The following PRKAR2B variants were observed in gnomAD, a reference collection of about 807,000 sequenced individuals.
PRKAR2B encodes the protein protein kinase cAMP-dependent type II regulatory subunit beta, also known as cAMP-dependent protein kinase type II-beta regulatory subunit.
A neutral mutation model predicts 49.9 loss-of-function variants in PRKAR2B; 14 were observed. The ratio of observed to expected loss-of-function variants is 0.28; its 90% CI spans 0.19 to 0.44. The LOEUF (loss-of-function observed/expected upper bound fraction) is 0.44. PRKAR2B is among the 20% of genes least tolerant of loss of function. PRKAR2B has a pLI of 1.00. For missense variants in PRKAR2B, 393 were observed against 537.9 expected, an observed-to-expected ratio of 0.73 and a Z score of 2.67; for synonymous variants, 196 against 197.7, an observed-to-expected ratio of 0.99 and a Z score of 0.07.
chr7:107,056,945 A>G (rs1444486381), intron 1 of PRKAR2B, among the ~76,000 whole-genome samples: 2 of 152,174 alleles, frequency 1.3e-5, no homozygotes, highest in Admixed American at 1.3e-4. Context: ...AGGATTTCAT[A>G]TTGTAATTGA....
At chr7:107,126,420 C>CAAAAAAAAAAAAAAAAAAAAAAAAA (rs35682952) in intron 3 of PRKAR2B, among the ~76,000 whole-genome samples, 7 of 38,400 alleles carry the variant, frequency 1.8e-4, no homozygotes, top group Non-Finnish European at 3.6e-4. Context: ...GAATCTGTCT[C>CAAAAAAAAAAAAAAAAAAAAAAAAA]AAAAAAAAAA....
intron 2 of PRKAR2B, among the ~76,000 whole-genome samples, chr7:107,118,895 A>G (rs1795338565): frequency 6.6e-6 from 1 of 152,208 alleles, no homozygotes; most frequent in Non-Finnish European, 1.5e-5. Flanking sequence ...AGGTGGGGGT[A>G]GATGAATTCT....
intron 1 of PRKAR2B, among the ~76,000 whole-genome samples, chr7:107,058,752 T>G (rs888676822): frequency 1.3e-5 from 2 of 152,210 alleles, no homozygotes; most frequent in Non-Finnish European, 2.9e-5. Context: ...ATGAAAAATA[T>G]TTTAGGAGCA....
At chr7:107,081,914 A>G (rs1794522062) in intron 2 of PRKAR2B, 1 of 152,228 alleles carries the variant, frequency 6.6e-6, no homozygotes, top group Non-Finnish European at 1.5e-5. Context: ...AGATATTTTA[A>G]AACAGAATTC....
At chr7:107,099,456 T>C (rs1794913603) in intron 2 of PRKAR2B, among the ~76,000 whole-genome samples, 1 of 152,148 alleles carries the variant, frequency 6.6e-6, no homozygotes, top group South Asian at 2.1e-4. Flanking sequence ...CCTGACCCCT[T>C]GTGCTTCCCA....
chr7:107,119,192 A>T (rs1795343890), intron 2 of PRKAR2B, among the ~76,000 whole-genome samples: 1 of 152,222 alleles, frequency 6.6e-6, no homozygotes, highest in African/African-American at 2.4e-5. Context: ...TAAGATCAAC[A>T]GTAATGGATC....
At chr7:107,158,568 A>G (rs1796139719) in intron 10 of PRKAR2B, among the ~76,000 whole-genome samples, 1 of 152,162 alleles carries the variant, frequency 6.6e-6, no homozygotes, top group Non-Finnish European at 1.5e-5. Flanking sequence ...CTTAGTGGTA[A>G]ATACTTCGAA....
chr7:107,127,181 T>G (rs1446162152), intron 3 of PRKAR2B, among the ~76,000 whole-genome samples: 1 of 152,248 alleles, frequency 6.6e-6, no homozygotes, highest in Non-Finnish European at 1.5e-5. Context: ...TGCCTGATTC[T>G]GTGAGCTCTG....
chr7:107,060,226 G>A (rs1379368540), intron 1 of PRKAR2B, among the ~76,000 whole-genome samples: 1 of 152,068 alleles, frequency 6.6e-6, no homozygotes, highest in Admixed American at 6.6e-5. Context: ...AAAGTTTGTG[G>A]ACTGCTGCTA....
intron 2 of PRKAR2B, among the ~76,000 whole-genome samples, chr7:107,093,389 G>GT (rs1794768414): frequency 6.6e-6 from 1 of 151,926 alleles, no homozygotes; most frequent in African/African-American, 2.4e-5. Flanking sequence ...TGTTATTTTG[G>GT]TTTTTTGATA....
chr7:107,073,380 A>G lies in PRKAR2B; in HGVS notation c.343+3064A>G, dbSNP rs1251386873. ...TTTATTTTTGTAAGTGAAAGGAATC[A>G]GTTTCACTCATTATTTTCAAACAGA... is the stretch of plus-strand genomic sequence containing the variant. On this transcript the variant is annotated intron_variant, in intron 2 of 10. Transcript: ENST00000265717. 3.9e-5 allele frequency among the ~76,000 whole-genome samples: 6 copies of G among 152,304 alleles called. No homozygotes were observed. The East Asian group carries it at 1.2e-3, about 29-fold the overall frequency.
chr7:107,072,392 T>C (rs1794297094), intron 2 of PRKAR2B, among the ~76,000 whole-genome samples: 1 of 152,122 alleles, frequency 6.6e-6, no homozygotes, highest in Admixed American at 6.5e-5. Context: ...AACTAATTTA[T>C]GGAGTACCAC....
chr7:107,144,107 G>A lies in PRKAR2B; in HGVS notation c.588-2201G>A, dbSNP rs527363072. On this transcript the variant is annotated intron_variant, in intron 5 of 10. Coordinates refer to ENST00000265717, the MANE Select transcript of PRKAR2B (RefSeq NM_002736.3). ...TTATTTATTTATTTATTTTTGAGGCGGAGTCTTGCTCTTGTTGCCCAGGCT... is the reference window on the plus strand; with the variant it reads ...TTATTTATTTATTTATTTTTGAGGCAGAGTCTTGCTCTTGTTGCCCAGGCT... Among the ~76,000 whole-genome samples, 18 of 143,300 alleles carry A rather than the reference G, an allele frequency of 1.3e-4. 1 individual carries two copies. The highest frequency in any genetic ancestry group is 3.7e-4 in the African/African-American group (14 of 38,334). 94.0% of individuals were successfully genotyped at this position (143,300 alleles called of 152,430 possible). A position where few individuals can be genotyped will look rare whatever the true frequency, so the allele number is the denominator to read the frequency against.
intron 1 of PRKAR2B, among the ~76,000 whole-genome samples, chr7:107,057,774 A>C (rs1334473330): frequency 6.6e-6 from 1 of 152,174 alleles, no homozygotes; most frequent in African/African-American, 2.4e-5. Context: ...GTTAAAAAAA[A>C]ACACAACAAA....
intron 2 of PRKAR2B, chr7:107,082,031 A>G (rs1055997879): frequency 1.4e-5 from 2 of 147,654 alleles, no homozygotes; most frequent in Non-Finnish European, 3.0e-5. Context: ...CTTTTATTCA[A>G]TTTTTGAACA....
chr7:107,143,694 G>A (rs1299686910), intron 5 of PRKAR2B, among the ~76,000 whole-genome samples: 1 of 152,198 alleles, frequency 6.6e-6, no homozygotes, highest in African/African-American at 2.4e-5. Flanking sequence ...CACATGGGTG[G>A]TTGAGATAAT....
chr7:107,097,958 C>T (rs1794878706), intron 2 of PRKAR2B, among the ~76,000 whole-genome samples: 1 of 152,154 alleles, frequency 6.6e-6, no homozygotes, highest in African/African-American at 2.4e-5. Flanking sequence ...TCCTTCATTT[C>T]AACTTTGGTG....
At position 107,142,743 on chromosome 7, in the gene PRKAR2B, G is replaced by GA. The variant is rs549079645; in HGVS notation, c.587+1797dup. 1.5e-3 allele frequency among the ~76,000 whole-genome samples: 225 copies of GA among 150,886 alleles called. 1 individual carries two copies. Among genetic ancestry groups the GA allele is most frequent in the Non-Finnish European group, 2.6e-3 (176 of 67,746 alleles). ...GTATTATCAGAGAAGAAGTCTGTGT[G>GA]AAAAAAACAGCCCAAGATTTTTTGT... On this transcript the variant is annotated intron_variant, in intron 5 of 10. Coordinates refer to ENST00000265717, the MANE Select transcript of PRKAR2B (RefSeq NM_002736.3).
At chr7:107,095,146 T>C (rs953690411) in intron 2 of PRKAR2B, among the ~76,000 whole-genome samples, 3 of 152,200 alleles carry the variant, frequency 2.0e-5, no homozygotes, top group Non-Finnish European at 4.4e-5. Context: ...GAGCATGAAA[T>C]GTTCTTCCAT....
Sources: allele counts gnomAD v4.1 joint callset (sites outside exome capture counted in the v4.1 genomes callset), GRCh38; gene constraint gnomAD v4.1.1; transcripts MANE v1.5; gene names NCBI Gene and HGNC (gene_info 2026-07-23, HGNC 2026-07-21).